SLC30A6: variants seen among roughly 807,000 people sequenced by gnomAD.
SLC30A6 encodes the protein zinc transporter 6.
Under a neutral mutation model 63.0 loss-of-function variants are expected in SLC30A6, and 55 were observed. The ratio of observed to expected loss-of-function variants is 0.87; its 90% CI spans 0.70 to 1.09. The LOEUF is 1.09. SLC30A6 is among the 50% of genes least tolerant of loss of function. The probability of loss-of-function intolerance (pLI) is 0.00; values close to 1 mark genes in which losing one functional copy is unlikely to be tolerated. For synonymous variants in SLC30A6, 224 were observed against 186.1 expected, an observed-to-expected ratio of 1.20 and a Z score of -1.66; for missense variants, 587 against 549.2, an observed-to-expected ratio of 1.07 and a Z score of -0.69.
intron 10 of SLC30A6, chr2:32,201,686 G>A (rs1260277591): frequency 6.2e-6 from 9 of 1,457,798 alleles, no homozygotes. Flanking sequence ...AGAGGCAGAA[G>A]AGCTTTATGG....
chr2:32,180,844 A>C (rs755005834), intron 4 of SLC30A6, among the ~76,000 whole-genome samples: 11 of 152,242 alleles, frequency 7.2e-5, no homozygotes, highest in Non-Finnish European at 1.5e-4. Context: ...CTAAAGTAAT[A>C]ATGTTTCCCT....
intron 4 of SLC30A6, among the ~76,000 whole-genome samples, chr2:32,182,126 G>A (rs1019424612): frequency 2.0e-5 from 3 of 151,312 alleles, no homozygotes; most frequent in African/African-American, 7.3e-5. Context: ...GTGGTGATGG[G>A]GTCTCGACAT....
chr2:32,174,905 G>T (rs1323378472), intron 3 of SLC30A6, among the ~76,000 whole-genome samples: 1 of 152,140 alleles, frequency 6.6e-6, no homozygotes, highest in African/African-American at 2.4e-5. Context: ...CAGTTTGTAA[G>T]TTAGATTTTG....
intron 1 of SLC30A6, 94 bp downstream of exon 1, chr2:32,165,997 G>C: frequency 6.4e-7 from 1 of 1,567,968 alleles, no homozygotes; most frequent in Non-Finnish European, 8.8e-7. Flanking sequence ...CAGCCACCCA[G>C]AGGAGGGGTC....
intron 4 of SLC30A6, among the ~76,000 whole-genome samples, chr2:32,176,554 A>G (rs1681759649): frequency 6.6e-6 from 1 of 151,404 alleles, no homozygotes. Context: ...GCTACTCGGG[A>G]GGCTGAGGCA....
intron 13 of SLC30A6, among the ~76,000 whole-genome samples, chr2:32,216,562 TAAATAAATAAA>T: frequency 6.7e-6 from 1 of 149,382 alleles, no homozygotes; most frequent in Admixed American, 6.7e-5. Context: ...AATAAATAAA[TAAATAAATAAA>T]TAAATAAATA....
chr2:32,209,333 A>G (rs1685054806), intron 12 of SLC30A6, among the ~76,000 whole-genome samples, 160 bp from the exon 13 acceptor site: 1 of 152,220 alleles, frequency 6.6e-6, no homozygotes, highest in Admixed American at 6.5e-5. Context: ...ACAAACAGGA[A>G]TGGTATCTTG....
rs766517083 is a variant in SLC30A6, at chr2:32,224,271, A to G, written c.*3558A>G. ...TGTGACCCAGACCAAAGGTAACACA[A>G]AGATGAATGAGAATTCCTTCAAGGC... On this transcript the variant is annotated 3_prime_UTR_variant, in exon 14 of 14. Transcript: ENST00000282587. 2.0e-5 allele frequency: 10 copies of G among 511,724 alleles called. No individual in the cohort carries two copies. Among genetic ancestry groups the G allele is most frequent in the African/African-American group, 3.9e-5 (2 of 51,674 alleles). 31.7% of individuals were successfully genotyped at this position (511,724 alleles called of 1,614,324 possible).
intron 5 of SLC30A6, chr2:32,187,121 C>G (rs780115776): frequency 2.1e-6 from 1 of 469,462 alleles, no homozygotes; most frequent in South Asian, 1.5e-5. Context: ...CACTAGACCA[C>G]TGAGGACATT....
At chr2:32,183,665 G>A (rs576600966) in intron 4 of SLC30A6, among the ~76,000 whole-genome samples, 2 of 141,894 alleles carry the variant, frequency 1.4e-5, no homozygotes, top group Admixed American at 7.4e-5. Context: ...TCCAGCCTGG[G>A]CAACAGAGCG....
chr2:32,190,164 G>C (rs564966600), intron 5 of SLC30A6, among the ~76,000 whole-genome samples: 3 of 152,066 alleles, frequency 2.0e-5, no homozygotes, highest in Admixed American at 6.6e-5. Flanking sequence ...ATGAATAAAA[G>C]TTTTAAATTT....
At chr2:32,185,501 A>G (rs930787091) in intron 5 of SLC30A6, among the ~76,000 whole-genome samples, 1 of 152,114 alleles carries the variant, frequency 6.6e-6, no homozygotes, top group Non-Finnish European at 1.5e-5. Flanking sequence ...TTACCTGAAG[A>G]GGCATATCGA....
At chr2:32,170,987 T>C (rs1156283825) in intron 1 of SLC30A6, among the ~76,000 whole-genome samples, 1 of 152,220 alleles carries the variant, frequency 6.6e-6, no homozygotes, top group South Asian at 2.1e-4. Context: ...CAAGTTGCCT[T>C]ATCCATTTAA....
At position 32,175,354 on chromosome 2, in the gene SLC30A6, C is replaced by A. The variant is rs933408306; in HGVS notation, c.211C>A (p.Leu71Ile). The change falls in exon 4 of 14, where the codon CTT (leucine) becomes ATT (isoleucine). Residue 71 changes from leucine to isoleucine, a missense_variant. Transcript: ENST00000282587. ...CTATACTTACCTGACCATTTTTGAT[C>A]TTTTTAGGTAAGTTTTTAGGAAATC... The part of the protein sequence containing the change: ...TAYTYLTIFD[L>I]FSLMTCLISY... 5.6e-6 allele frequency: 9 copies of A among 1,610,690 alleles called. No individual in the cohort carries two copies. In the African/African-American group the frequency reaches 8.0e-5, roughly 14 times the overall value.
intron 1 of SLC30A6, among the ~76,000 whole-genome samples, chr2:32,167,145 G>A (rs956884601): frequency 3.3e-5 from 5 of 152,070 alleles, no homozygotes; most frequent in Non-Finnish European, 5.9e-5. Flanking sequence ...GCGCGATCGC[G>A]GCTCACCACA....
chr2:32,167,493 A>G (rs1033268321), intron 1 of SLC30A6, among the ~76,000 whole-genome samples: 1 of 151,096 alleles, frequency 6.6e-6, no homozygotes, highest in East Asian at 1.9e-4. Context: ...CCTAATTTGC[A>G]TATGCTCTTC....
chr2:32,206,709 G>A (rs1013671400), intron 11 of SLC30A6, among the ~76,000 whole-genome samples, 177 bp from the exon 12 acceptor site: 2 of 152,148 alleles, frequency 1.3e-5, no homozygotes, highest in Non-Finnish European at 2.9e-5. Context: ...GTGTGGGCCA[G>A]TTGATGATGT....
At chr2:32,203,014 T>C (rs573702507) in intron 10 of SLC30A6, 28 of 1,177,986 alleles carry the variant, frequency 2.4e-5, no homozygotes, top group African/African-American at 2.1e-4. Flanking sequence ...GTAACTGAAA[T>C]AGCCATGAAT....
intron 10 of SLC30A6, chr2:32,203,115 TTTA>T (rs1684440777): frequency 7.6e-7 from 1 of 1,309,078 alleles, no homozygotes; most frequent in Admixed American, 1.7e-5. Context: ...AGAAGGTAGT[TTTA>T]AAGTTTTGGT....
Sources: allele counts gnomAD v4.1 joint callset (sites outside exome capture counted in the v4.1 genomes callset), GRCh38; gene constraint gnomAD v4.1.1; transcripts MANE v1.5; gene names NCBI Gene and HGNC (gene_info 2026-07-23, HGNC 2026-07-21).